The following USP8 variants were observed in gnomAD, a reference collection of about 807,000 sequenced individuals.
The protein encoded by USP8 is ubiquitin specific peptidase 8, also known as ubiquitin carboxyl-terminal hydrolase 8.
Under a neutral mutation model 130.0 loss-of-function variants are expected in USP8, and 27 were observed. The observed-to-expected ratio is 0.21, with a 90% CI of 0.15 to 0.29. The LOEUF (loss-of-function observed/expected upper bound fraction) is 0.29. USP8 is among the 10% of genes least tolerant of loss of function. USP8 has a pLI of 1.00. For missense variants in USP8, 1,029 were observed against 1,312.2 expected, an observed-to-expected ratio of 0.78 and a Z score of 3.33; for synonymous variants, 392 against 444.1, an observed-to-expected ratio of 0.88 and a Z score of 1.48.
intron 12 of USP8, among the ~76,000 whole-genome samples, chr15:50,485,490 G>C (rs1480615649): frequency 1.5e-5 from 2 of 136,308 alleles, no homozygotes; most frequent in Admixed American, 7.8e-5. Context: ...TTTTCCTTCA[G>C]AGCTTGAGAT....
At chr15:50,438,396 C>T (rs1403615376) in intron 1 of USP8, among the ~76,000 whole-genome samples, 1 of 152,120 alleles carries the variant, frequency 6.6e-6, no homozygotes, top group Admixed American at 6.6e-5. Context: ...CCAGCCTGGC[C>T]AATATGACGA....
At chr15:50,453,857 A>ATTT (rs1595924578) in intron 4 of USP8, among the ~76,000 whole-genome samples, 13 of 67,226 alleles carry the variant, frequency 1.9e-4, no homozygotes, top group East Asian at 5.2e-4. Flanking sequence ...CTCTGGGAAT[A>ATTT]TTCTTTTTTT....
chr15:50,489,003 A>G (rs1270238141), intron 12 of USP8, among the ~76,000 whole-genome samples: 1 of 152,160 alleles, frequency 6.6e-6, no homozygotes, highest in Non-Finnish European at 1.5e-5. Flanking sequence ...GGCATGAGCC[A>G]CCCTGCCTGG....
At position 50,513,252 on chromosome 15, in the gene USP8, T is replaced by A. The variant is rs1283969796; in HGVS notation, c.*14164T>A. On this transcript the variant is annotated 3_prime_UTR_variant, in exon 20 of 20. Coordinates refer to ENST00000307179, the MANE Select transcript of USP8 (RefSeq NM_005154.5). ...TCTTATGCACATATATATGCAGGAA[T>A]GTCTGCATAATGTTGTTCATGCCAG... The A allele has an allele frequency of 6.6e-6, 1 of 152,172 alleles. No individual in the cohort carries two copies. Among genetic ancestry groups the A allele is most frequent in the African/African-American group, 2.4e-5 (1 of 41,434 alleles). The allele number at this position is 152,172 out of a possible 1,614,324, so 9.4% of individuals were successfully genotyped here.
In USP8 at chr15:50,490,397, T is replaced by C; in HGVS notation, c.2106T>C (p.Ile702=). ...TPPTHKAKPQ[I]PAERDREPSK... The stretch of plus-strand genomic sequence containing the variant: ...CAACTCATAAAGCCAAGCCACAGAT[T>C]CCTGCTGAGCGGGATAGGGAACCTT... The change falls in exon 14 of 20, where the codon ATT becomes ATC. Residue 702 remains isoleucine, a synonymous_variant. Transcript: ENST00000307179. The C allele has an allele frequency of 1.2e-6, 2 of 1,614,158 alleles. No homozygotes were observed. Among genetic ancestry groups the C allele is most frequent in the Non-Finnish European group, 1.7e-6 (2 of 1,180,020 alleles).
intron 4 of USP8, among the ~76,000 whole-genome samples, chr15:50,458,201 G>C (rs2050859513): frequency 6.6e-6 from 1 of 152,118 alleles, no homozygotes; most frequent in Non-Finnish European, 1.5e-5. Context: ...ACCTAGGCTG[G>C]AGTGCAGTCA....
intron 4 of USP8, among the ~76,000 whole-genome samples, chr15:50,457,224 T>C (rs2050819907): frequency 6.6e-6 from 1 of 152,154 alleles, no homozygotes. Context: ...GTTTTATCTG[T>C]TTATTTAGAA....
chr15:50,424,625 C>A (rs140619780), intron 1 of USP8, 111 bp downstream of exon 1: 1 of 397,138 alleles, frequency 2.5e-6, no homozygotes, highest in Non-Finnish European at 4.4e-6. Context: ...CAAGCTCTGT[C>A]CGCGGAGAGG....
chr15:50,459,285 A>G (rs2050900072), intron 5 of USP8, 123 bp downstream of exon 5: 1 of 1,338,792 alleles, frequency 7.5e-7, no homozygotes, highest in African/African-American at 1.5e-5. Flanking sequence ...TAATGTTTTA[A>G]TTAGAAATTT....
At chr15:50,485,781 C>G (rs2051941910) in intron 12 of USP8, among the ~76,000 whole-genome samples, 1 of 151,778 alleles carries the variant, frequency 6.6e-6, no homozygotes, top group Non-Finnish European at 1.5e-5. Context: ...TCCACTACCT[C>G]CCTCTCATAC....
At chr15:50,466,536 A>G (rs2051193675) in intron 7 of USP8, among the ~76,000 whole-genome samples, 1 of 151,430 alleles carries the variant, frequency 6.6e-6, no homozygotes, top group Admixed American at 6.6e-5. Context: ...CGGAGGTTGC[A>G]GTGAGCCGAG....
chr15:50,457,949 C>T (rs1205126746), intron 4 of USP8, among the ~76,000 whole-genome samples: 1 of 150,770 alleles, frequency 6.6e-6, no homozygotes, highest in African/African-American at 2.4e-5. Context: ...AAAATGGAAA[C>T]TATTGATTCG....
Position 50,477,387 on chromosome 15 carries a change from A to T in USP8, c.1106A>T (p.Asn369Ile). The change falls in exon 10 of 20, where the codon AAT becomes ATT. Residue 369 changes from asparagine to isoleucine, a missense_variant. Coordinates refer to ENST00000307179, the MANE Select transcript of USP8 (RefSeq NM_005154.5). ...AATATAGAATTGATAAGTGGTCAAA[A>T]TGAGAGAATGGGACCACTGAATATA... ...DENIELISGQ[N>I]ERMGPLNIST... is the part of the protein sequence containing the mutation. 6.2e-7 allele frequency: 1 copy of T among 1,614,180 alleles called. No homozygotes were observed. Among genetic ancestry groups the T allele is most frequent in the Non-Finnish European group, 8.5e-7 (1 of 1,180,032 alleles).
rs575002301 is a variant in USP8 at position 50,466,334 on chromosome 15, C to A, written c.686+1143C>A. On this transcript the variant is annotated intron_variant, in intron 7 of 19. Transcript: ENST00000307179. ...AGCTCTTAGGCCGGGCACACTGGCT[C>A]ACACCTGTAATCCCAGCACTTGGGG... Among the ~76,000 whole-genome samples, 186 of 152,266 alleles carry A rather than the reference C, an allele frequency of 1.2e-3. 1 individual carries two copies. Among genetic ancestry groups the A allele is most frequent in the African/African-American group, 4.3e-3 (179 of 41,552 alleles).
intron 9 of USP8, 109 bp downstream of exon 9, chr15:50,477,102 G>GT: frequency 6.9e-7 from 1 of 1,450,164 alleles, no homozygotes; most frequent in South Asian, 1.3e-5. Flanking sequence ...TTAGAGAGCA[G>GT]TTTGTTTTCA....
At chr15:50,475,805 G>A (rs2051548792) in intron 8 of USP8, among the ~76,000 whole-genome samples, 1 of 152,066 alleles carries the variant, frequency 6.6e-6, no homozygotes, top group South Asian at 2.1e-4. Context: ...GTTTCACCAT[G>A]TTGGTCAGGC....
chr15:50,452,582 A>T (rs1342924881), intron 4 of USP8, among the ~76,000 whole-genome samples: 1 of 152,196 alleles, frequency 6.6e-6, no homozygotes. Flanking sequence ...CAGTTCACAT[A>T]CTGTTCCAGC....
rs1290358145 is a variant in USP8 at position 50,509,064 on chromosome 15, C to G, written c.*9976C>G. 1 of 93,284 alleles carries G rather than the reference C, an allele frequency of 1.1e-5. No individual in the cohort carries two copies. The highest frequency in any genetic ancestry group is 4.2e-5 in the African/African-American group (1 of 23,698). 5.8% of individuals were successfully genotyped at this position (93,284 alleles called of 1,614,324 possible). On this transcript the variant is annotated 3_prime_UTR_variant, in exon 20 of 20. Coordinates refer to ENST00000307179, the MANE Select transcript of USP8 (RefSeq NM_005154.5). ...CAGGAGAATGGCGTGAACCCGGGGTCGGAGCTTGCAGTGAGCCAAGATCGC... is the reference window on the plus strand; with the variant it reads ...CAGGAGAATGGCGTGAACCCGGGGTGGGAGCTTGCAGTGAGCCAAGATCGC...
chr15:50,465,378 A>C (rs1271873171), intron 7 of USP8, among the ~76,000 whole-genome samples, 187 bp downstream of exon 7: 1 of 151,924 alleles, frequency 6.6e-6, no homozygotes, highest in Non-Finnish European at 1.5e-5. Context: ...ACATTTTAGG[A>C]GCAGAGGTTT....
Sources: allele counts gnomAD v4.1 joint callset (sites outside exome capture counted in the v4.1 genomes callset), GRCh38; gene constraint gnomAD v4.1.1; transcripts MANE v1.5; gene names NCBI Gene and HGNC (gene_info 2026-07-23, HGNC 2026-07-21).